INTS14: variants seen among roughly 807,000 people sequenced by gnomAD.
INTS14 encodes integrator complex subunit 14, also known as UPF0464 protein C15orf44.
INTS14 carries 27 observed loss-of-function variants against 56.9 expected under a neutral mutation model. That is an observed-to-expected ratio of 0.47 (90% CI 0.35 to 0.65). INTS14 has a LOEUF of 0.65. INTS14 is among the 30% of genes least tolerant of loss of function. The pLI, the probability that INTS14 is intolerant of heterozygous loss-of-function variation, is 0.00. For synonymous variants in INTS14, 207 were observed against 236.2 expected (o/e 0.88, Z 1.13); for missense variants, 517 against 632.2 (o/e 0.82, Z 1.95).
At chr15:65,583,835 A>G (rs2072719546) in intron 10 of INTS14, among the ~76,000 whole-genome samples, 1 of 152,252 alleles carries the variant, frequency 6.6e-6, no homozygotes. Flanking sequence ...GGTCAGGGAT[A>G]TCAGGAAAAT....
At chr15:65,610,687 T>G in intron 1 of INTS14, 4 of 1,535,754 alleles carry the variant, frequency 2.6e-6, no homozygotes, top group Non-Finnish European at 3.5e-6. Flanking sequence ...GTGCCTCACC[T>G]GCTCTTTGGC....
intron 10 of INTS14, among the ~76,000 whole-genome samples, chr15:65,583,696 T>C (rs1354211347): frequency 1.3e-5 from 2 of 151,768 alleles, no homozygotes; most frequent in African/African-American, 4.8e-5. Flanking sequence ...TTTACCAGAA[T>C]AAGAAAAATA....
intron 11 of INTS14, among the ~76,000 whole-genome samples, chr15:65,581,428 G>A (rs370540810): frequency 1.0e-5 from 1 of 97,036 alleles, no homozygotes; most frequent in South Asian, 2.7e-4. Context: ...CGTGCCTGTA[G>A]TACTAGCTAC....
chr15:65,591,635 T>C lies in INTS14; in HGVS notation c.1083A>G (p.Pro361=), dbSNP rs535975601. Reference sequence around the variant, plus strand: ...CCAACTGTGCCATTTTCCCTAGCCATGGGAGAGGTTCTGGGCCAGGCTCAA... The same window carrying C: ...CCAACTGTGCCATTTTCCCTAGCCACGGGAGAGGTTCTGGGCCAGGCTCAA... ...SLFEPGPEPL[P]WLGKMAQLGP... is the part of the protein sequence containing the mutation. The change falls in exon 9 of 12, where the codon CCA becomes CCG. Residue 361 remains proline, a synonymous_variant. Coordinates refer to ENST00000313182, the MANE Select transcript of INTS14 (RefSeq NM_001394796.1). 20 of 1,614,132 alleles carry C rather than the reference T, an allele frequency of 1.2e-5. No individual in the cohort carries two copies. The South Asian group carries it at 1.6e-4, about 13-fold the overall frequency.
chr15:65,601,111 T>C (rs1165440971), intron 3 of INTS14, among the ~76,000 whole-genome samples: 2 of 152,240 alleles, frequency 1.3e-5, no homozygotes, highest in African/African-American at 4.8e-5. Flanking sequence ...AATATGTATT[T>C]ATAAAGGCTA....
intron 11 of INTS14, among the ~76,000 whole-genome samples, chr15:65,579,925 T>A (rs940811435): frequency 3.9e-5 from 6 of 152,168 alleles, no homozygotes; most frequent in Non-Finnish European, 7.4e-5. Context: ...TTATGCCACA[T>A]GTGGTAGTCA....
chr15:65,580,495 T>C (rs996858055), intron 11 of INTS14, among the ~76,000 whole-genome samples: 34 of 128,854 alleles, frequency 2.6e-4, no homozygotes, highest in African/African-American at 1.4e-3. Context: ...GTGTGGATTA[T>C]GGGCTTCAGT....
chr15:65,581,241 A>G (rs553833402), intron 11 of INTS14, among the ~76,000 whole-genome samples: 4 of 151,062 alleles, frequency 2.6e-5, no homozygotes, highest in Non-Finnish European at 5.9e-5. Context: ...TTAGCCGGGC[A>G]TGGTGGCACA....
chr15:65,608,287 G>A (rs557525321), intron 1 of INTS14, among the ~76,000 whole-genome samples: 1 of 150,918 alleles, frequency 6.6e-6, no homozygotes, highest in Admixed American at 6.6e-5. Flanking sequence ...AACACAGGAG[G>A]TGGAAGTTGT....
At chr15:65,594,502 C>T (rs1274638749) in intron 7 of INTS14, among the ~76,000 whole-genome samples, 2 of 151,328 alleles carry the variant, frequency 1.3e-5, no homozygotes, top group African/African-American at 2.4e-5. Context: ...ACCCCATTCT[C>T]CTGCCTCAGC....
chr15:65,605,669 G>T (rs949519111), intron 2 of INTS14, among the ~76,000 whole-genome samples: 1 of 152,126 alleles, frequency 6.6e-6, no homozygotes, highest in Non-Finnish European at 1.5e-5. Context: ...AGTAATTAAG[G>T]TATAGAAAGA....
In INTS14 at chr15:65,611,054, C is replaced by G. The variant is rs1014912218; in HGVS notation, c.-63+44G>C. 9 of 1,535,486 alleles carry G rather than the reference C, an allele frequency of 5.9e-6. No individual in the cohort carries two copies. The Admixed American group carries it at 9.8e-5, about 17-fold the overall frequency. On this transcript the variant is annotated intron_variant, in intron 1 of 11. Coordinates refer to ENST00000313182, the MANE Select transcript of INTS14 (RefSeq NM_001394796.1). ...ATAACCCCTTCACCTGTAACCCCAACAAGCAGCGAAAGGCAGTCCCGGGCC... is the reference window on the plus strand; with the variant it reads ...ATAACCCCTTCACCTGTAACCCCAAGAAGCAGCGAAAGGCAGTCCCGGGCC...
At chr15:65,585,180 T>C (rs1027351403) in intron 9 of INTS14, among the ~76,000 whole-genome samples, 2 of 151,912 alleles carry the variant, frequency 1.3e-5, no homozygotes, top group African/African-American at 4.8e-5. Context: ...TTAAAAAATA[T>C]ATATATATAT....
chr15:65,586,391 T>A lies in INTS14; in HGVS notation c.1121-1503A>T, dbSNP rs1439563204. ...TCAAAAGCCAACACTTTTTCCACCA[T>A]TCAACACTGCTGTTCCTTACTTATC... On this transcript the variant is annotated intron_variant, in intron 9 of 11. Transcript: ENST00000313182. 3 of 152,340 alleles carry A rather than the reference T, an allele frequency of 2.0e-5. No individual in the cohort carries two copies. In the East Asian group the frequency reaches 5.8e-4, roughly 29 times the overall value. 9.4% of individuals were successfully genotyped at this position (152,340 alleles called of 1,614,324 possible).
chr15:65,598,744 T>G, intron 5 of INTS14, 128 bp downstream of exon 5: 1 of 856,904 alleles, frequency 1.2e-6, no homozygotes, highest in Non-Finnish European at 1.8e-6. Context: ...TCACTTTATC[T>G]GAAAAATGTA....
At chr15:65,582,094 C>A in intron 10 of INTS14, 75 bp from the exon 11 acceptor site, 2 of 1,283,510 alleles carry the variant, frequency 1.6e-6, no homozygotes, top group South Asian at 2.7e-5. Context: ...AAGAATGGAT[C>A]TAAATGTTTA....
At chr15:65,579,932 G>A (rs1021711009) in intron 11 of INTS14, among the ~76,000 whole-genome samples, 15 of 152,168 alleles carry the variant, frequency 9.9e-5, no homozygotes, top group Admixed American at 9.2e-4. Flanking sequence ...ACATGTGGTA[G>A]TCAGCACTTT....
At chr15:65,591,784 A>G in intron 8 of INTS14, 53 bp from the exon 9 acceptor site, 2 of 1,591,218 alleles carry the variant, frequency 1.3e-6, no homozygotes, top group Non-Finnish European at 1.7e-6. Context: ...GAGACTGTCA[A>G]GTTAAATAAG....
chr15:65,579,197 T>G lies in INTS14; in HGVS notation c.*211A>C. 1 of 586,284 alleles carries G rather than the reference T, an allele frequency of 1.7e-6. No homozygotes were observed. 36.3% of individuals were successfully genotyped at this position (586,284 alleles called of 1,614,324 possible). A position where few individuals can be genotyped will look rare whatever the true frequency, so the allele number is the denominator to read the frequency against. On this transcript the variant is annotated 3_prime_UTR_variant, in exon 12 of 12. Transcript: ENST00000313182. ...GCAGCTATCTTCCAAGCTTAAAAAT[T>G]ATGAATCCCAGGAAGTTAAAGCCCA...
Sources: allele counts gnomAD v4.1 joint callset (sites outside exome capture counted in the v4.1 genomes callset), GRCh38; gene constraint gnomAD v4.1.1; transcripts MANE v1.5; gene names NCBI Gene and HGNC (gene_info 2026-07-23, HGNC 2026-07-21).